Variants in MCOLN2 observed in about 807,000 individuals in gnomAD.
MCOLN2 encodes the protein mucolipin-2.
A neutral mutation model predicts 67.5 loss-of-function variants in MCOLN2; 57 were observed. The observed-to-expected ratio is 0.84, with a 90% CI of 0.68 to 1.05. The LOEUF (loss-of-function observed/expected upper bound fraction) is 1.05. MCOLN2 is among the 50% of genes least tolerant of loss of function. The probability of loss-of-function intolerance (pLI) is 0.00; values close to 1 mark genes in which losing one functional copy is unlikely to be tolerated. For missense variants in MCOLN2, 620 were observed against 678.8 expected (o/e 0.91, Z 0.96); for synonymous variants, 246 against 233.3 (o/e 1.05, Z -0.50).
At chr1:84,973,016 TG>T (rs1182531260) in intron 1 of MCOLN2, among the ~76,000 whole-genome samples, 17 of 152,158 alleles carry the variant, frequency 1.1e-4, no homozygotes. Flanking sequence ...GTCTCCAAAG[TG>T]GGGTCCTTGT....
At position 84,926,629 on chromosome 1, in the gene MCOLN2, C is replaced by A; in HGVS notation, c.*56G>T. The stretch of plus-strand genomic sequence containing the variant: ...CTGCTTGTCCAAGTCATTTGGGGTT[C>A]CTCTGCTCAGCCGCTGGATAAGGAT... On this transcript the variant is annotated 3_prime_UTR_variant, in exon 14 of 14. Transcript: ENST00000370608. 1 of 1,371,506 alleles carries A rather than the reference C, an allele frequency of 7.3e-7. No homozygotes were observed. The highest frequency in any genetic ancestry group is 1.4e-5 in the South Asian group (1 of 70,530). 85.0% of individuals were successfully genotyped at this position (1,371,506 alleles called of 1,614,324 possible).
At chr1:84,944,749 G>A (rs1445051314) in intron 7 of MCOLN2, among the ~76,000 whole-genome samples, 3 of 152,160 alleles carry the variant, frequency 2.0e-5, no homozygotes, top group African/African-American at 7.2e-5. Flanking sequence ...ACATTCACCT[G>A]CATTTGCTTC....
At chr1:84,939,528 G>A in intron 9 of MCOLN2, 25 bp downstream of exon 9, 1 of 1,611,414 alleles carries the variant, frequency 6.2e-7, no homozygotes, top group Non-Finnish European at 8.5e-7. Context: ...ATGAAGAACA[G>A]AGACTTTAAA....
At chr1:84,953,117 G>A (rs1473625846) in intron 4 of MCOLN2, among the ~76,000 whole-genome samples, 3 of 152,306 alleles carry the variant, frequency 2.0e-5, no homozygotes, top group Middle Eastern at 3.4e-3. Flanking sequence ...ATTATTTTGA[G>A]CACTGTATAG....
intron 8 of MCOLN2, among the ~76,000 whole-genome samples, chr1:84,940,521 G>T (rs1207410908): frequency 2.0e-5 from 3 of 152,176 alleles, no homozygotes; most frequent in African/African-American, 7.2e-5. Flanking sequence ...CTGATTTGAA[G>T]ACAAAAGATG....
At chr1:84,945,397 C>G (rs1384017361) in intron 7 of MCOLN2, among the ~76,000 whole-genome samples, 1 of 152,144 alleles carries the variant, frequency 6.6e-6, no homozygotes, top group Admixed American at 6.5e-5. Context: ...GTGGTGTATG[C>G]TGGGGAATAG....
chr1:84,956,279 G>T (rs1426420969), intron 4 of MCOLN2, 152 bp downstream of exon 4: 5 of 662,286 alleles, frequency 7.5e-6, no homozygotes, highest in Non-Finnish European at 1.3e-5. Flanking sequence ...CTGAGCCAAA[G>T]CCCCTCTGCA....
intron 7 of MCOLN2, among the ~76,000 whole-genome samples, chr1:84,946,683 C>T (rs374494391): frequency 1.9e-3 from 289 of 152,130 alleles, no homozygotes; most frequent in African/African-American, 6.8e-3. Flanking sequence ...GATGTTCAAC[C>T]TATACTATTA....
intron 1 of MCOLN2, among the ~76,000 whole-genome samples, chr1:84,990,154 C>T (rs1191952040): frequency 6.6e-6 from 1 of 151,698 alleles, no homozygotes; most frequent in East Asian, 1.9e-4. Flanking sequence ...AAAAATTAGC[C>T]GGGCATGGTG....
chr1:84,952,179 C>A, intron 6 of MCOLN2, 64 bp downstream of exon 6: 1 of 1,085,938 alleles, frequency 9.2e-7, no homozygotes, highest in Non-Finnish European at 1.4e-6. Flanking sequence ...GTTTTATACT[C>A]TGCATCAACA....
Position 84,939,749 on chromosome 1 carries a change from T to C in MCOLN2, c.961-47A>G, listed in dbSNP as rs747675497. ...GCGTTTCTTACAAACCACACTGCCC[T>C]CTGGAAGAAGAAGGCAAGTGCAAAA... On this transcript the variant is annotated intron_variant, in intron 8 of 13. Coordinates refer to ENST00000370608, the MANE Select transcript of MCOLN2 (RefSeq NM_153259.4). 5.0e-6 allele frequency: 8 copies of C among 1,601,756 alleles called. No individual in the cohort carries two copies. In the South Asian group the frequency reaches 8.9e-5, roughly 18 times the overall value.
rs772433352 is a variant in MCOLN2 at position 84,956,541 on chromosome 1, C to G, written c.455G>C (p.Gly152Ala). Residue 152 changes from glycine to alanine, a missense_variant, in exon 4 of 14, where the codon GGA becomes GCA. By Grantham distance (60) the Gly-to-Ala change is moderately conservative. Transcript: ENST00000370608. Reference sequence around the variant, plus strand: ...GCCAATTCTATTGTCTTCATTTTCTCCATAACCAAGGGTCCCCAGGGTAAT... The same window carrying G: ...GCCAATTCTATTGTCTTCATTTTCTGCATAACCAAGGGTCCCCAGGGTAAT... The part of the protein sequence containing the change: ...KDITLGTLGY[G>A]ENEDNRIGLK... 1 of 1,610,758 alleles carries G rather than the reference C, an allele frequency of 6.2e-7. No individual in the cohort carries two copies. Among genetic ancestry groups the G allele is most frequent in the Admixed American group, 1.7e-5 (1 of 59,280 alleles).
At chr1:84,943,917 A>G (rs1247316617) in intron 7 of MCOLN2, among the ~76,000 whole-genome samples, 1 of 152,236 alleles carries the variant, frequency 6.6e-6, no homozygotes, top group Non-Finnish European at 1.5e-5. Flanking sequence ...TGGGTAGGTA[A>G]GAAAACAACT....
At chr1:84,988,013 A>G (rs1650705441) in intron 1 of MCOLN2, among the ~76,000 whole-genome samples, 1 of 152,148 alleles carries the variant, frequency 6.6e-6, no homozygotes, top group Non-Finnish European at 1.5e-5. Flanking sequence ...ATCACCACTA[A>G]AGAACTTATT....
At chr1:84,992,654 A>G (rs1057051649) in intron 1 of MCOLN2, among the ~76,000 whole-genome samples, 1 of 152,254 alleles carries the variant, frequency 6.6e-6, no homozygotes, top group Non-Finnish European at 1.5e-5. Context: ...CAAATACTGC[A>G]GTAAAGCAAG....
intron 4 of MCOLN2, among the ~76,000 whole-genome samples, chr1:84,952,878 C>T (rs532858423): frequency 9.9e-5 from 15 of 152,240 alleles, no homozygotes; most frequent in South Asian, 2.1e-4. Context: ...AAAAACCCAA[C>T]GTGAGAGACA....
intron 1 of MCOLN2, among the ~76,000 whole-genome samples, chr1:84,989,007 C>G (rs887446814): frequency 1.3e-5 from 2 of 152,204 alleles, no homozygotes; most frequent in African/African-American, 4.8e-5. Flanking sequence ...TCTCTGGCCA[C>G]TCTATTAATG....
intron 1 of MCOLN2, among the ~76,000 whole-genome samples, chr1:84,994,168 T>C (rs962490341): frequency 3.9e-5 from 6 of 152,360 alleles, no homozygotes; most frequent in African/African-American, 1.2e-4. Flanking sequence ...AAGTGTACTG[T>C]CATCTAGGCT....
At chr1:84,942,884 G>T (rs1475963368) in intron 7 of MCOLN2, among the ~76,000 whole-genome samples, 1 of 152,022 alleles carries the variant, frequency 6.6e-6, no homozygotes, top group Non-Finnish European at 1.5e-5. Context: ...CACTGCCTTG[G>T]GACTCCACAG....
Sources: gnomAD v4.1 joint callset for allele counts (sites outside exome capture counted in the v4.1 genomes callset) on GRCh38, gnomAD v4.1.1 for gene constraint, MANE v1.5 for transcripts, NCBI Gene and HGNC (gene_info 2026-07-23, HGNC 2026-07-21) for gene names.